TMTC2: variants seen among roughly 807,000 people sequenced by gnomAD.
TMTC2 encodes the protein protein O-mannosyl-transferase TMTC2.
TMTC2 carries 43 observed loss-of-function variants against 82.4 expected under a neutral mutation model. That is an observed-to-expected ratio of 0.52 (90% CI 0.41 to 0.67). TMTC2 has a LOEUF of 0.67. Ranked by LOEUF, TMTC2 falls within the 30% of genes least tolerant of loss-of-function variation. TMTC2 has a pLI of 0.00. For missense variants in TMTC2, 919 were observed against 1,012.4 expected, an observed-to-expected ratio of 0.91 and a Z score of 1.25; for synonymous variants, 408 against 381.9, an observed-to-expected ratio of 1.07 and a Z score of -0.80.
intron 1 of TMTC2, among the ~76,000 whole-genome samples, chr12:82,695,947 GA>G (rs1182180976): frequency 2.0e-5 from 3 of 152,194 alleles, no homozygotes; most frequent in Non-Finnish European, 4.4e-5. Context: ...TCAGCTTTAA[GA>G]AACTAGGCCT....
chr12:82,722,122 C>G (rs2136927715), intron 1 of TMTC2, among the ~76,000 whole-genome samples: 1 of 152,240 alleles, frequency 6.6e-6, no homozygotes, highest in East Asian at 1.9e-4. Flanking sequence ...TATAAAGACA[C>G]TCCTAATGAA....
At chr12:82,995,997 A>G (rs1321681460) in intron 8 of TMTC2, among the ~76,000 whole-genome samples, 1 of 152,204 alleles carries the variant, frequency 6.6e-6, no homozygotes, top group Non-Finnish European at 1.5e-5. Context: ...GTGGTATCTC[A>G]TGTACATAAA....
intron 11 of TMTC2, among the ~76,000 whole-genome samples, chr12:83,113,919 G>T (rs779493159): frequency 6.6e-6 from 1 of 152,266 alleles, no homozygotes; most frequent in Non-Finnish European, 1.5e-5. Flanking sequence ...GTGCATGAAG[G>T]CTGTGGTGAA....
chr12:82,751,958 G>A (rs1876030529), intron 1 of TMTC2, among the ~76,000 whole-genome samples: 1 of 151,974 alleles, frequency 6.6e-6, no homozygotes, highest in Admixed American at 6.5e-5. Context: ...TTGTGAACAT[G>A]TACTTTATTC....
At chr12:83,054,455 GA>G (rs948539595) in intron 10 of TMTC2, among the ~76,000 whole-genome samples, 9 of 151,864 alleles carry the variant, frequency 5.9e-5, no homozygotes, top group African/African-American at 1.7e-4. Context: ...CTAAAAACAT[GA>G]AAATGGTGAC....
chr12:82,803,139 C>G (rs557146055), intron 1 of TMTC2, among the ~76,000 whole-genome samples: 22 of 152,250 alleles, frequency 1.4e-4, no homozygotes, highest in African/African-American at 5.3e-4. Flanking sequence ...TAAATTTTGG[C>G]TATGTCATCC....
chr12:83,087,213 A>T (rs545747561), intron 11 of TMTC2, among the ~76,000 whole-genome samples: 1 of 152,190 alleles, frequency 6.6e-6, no homozygotes, highest in African/African-American at 2.4e-5. Flanking sequence ...GCAACTCCTC[A>T]TCCATTCAAG....
chr12:83,124,585 C>A (rs1885050035), intron 11 of TMTC2, among the ~76,000 whole-genome samples: 1 of 143,442 alleles, frequency 7.0e-6, no homozygotes, highest in African/African-American at 2.6e-5. Flanking sequence ...TTTTAATGAG[C>A]AGAAGTTTGT....
intron 11 of TMTC2, among the ~76,000 whole-genome samples, chr12:83,112,836 G>A (rs1884639106): frequency 6.6e-6 from 1 of 152,070 alleles, no homozygotes; most frequent in Non-Finnish European, 1.5e-5. Flanking sequence ...TTGTTTCATT[G>A]CCAATACAAA....
chr12:83,061,822 G>A lies in TMTC2; in HGVS notation c.2322G>A (p.Leu774=). ...AEKYYDLAAR[L]RPNYPAALMN... ...AGTATTATGATCTGGCAGCCAGGCT[G>A]AGGCCTAATGTAAGTACTTCCCTAA... The change falls in exon 11 of 12, where the codon CTG becomes CTA. Residue 774 remains leucine (L), a synonymous_variant. Transcript: ENST00000321196. The A allele has an allele frequency of 1.3e-6, 2 of 1,594,986 alleles. No homozygotes were observed. Among genetic ancestry groups the A allele is most frequent in the South Asian group, 1.2e-5 (1 of 85,894 alleles).
At chr12:82,878,510 A>G (rs7300604) in intron 2 of TMTC2, among the ~76,000 whole-genome samples, 22,116 of 152,096 alleles carry the variant, frequency 0.15, 4,920 homozygotes, top group African/African-American at 0.48. Flanking sequence ...TGTGACAATA[A>G]TGGGTGGATG....
At chr12:83,010,840 T>G (rs1880424136) in intron 8 of TMTC2, among the ~76,000 whole-genome samples, 1 of 152,188 alleles carries the variant, frequency 6.6e-6, no homozygotes, top group Admixed American at 6.5e-5. Flanking sequence ...TATTTATTTA[T>G]TTATTTATTT....
At chr12:82,725,019 T>C (rs1209713051) in intron 1 of TMTC2, among the ~76,000 whole-genome samples, 2 of 151,822 alleles carry the variant, frequency 1.3e-5, no homozygotes, top group Admixed American at 6.5e-5. Context: ...GCTTGTCCTA[T>C]TAATTATCCA....
At chr12:82,722,918 T>G (rs1447458784) in intron 1 of TMTC2, among the ~76,000 whole-genome samples, 1 of 152,208 alleles carries the variant, frequency 6.6e-6, no homozygotes, top group Non-Finnish European at 1.5e-5. Context: ...AAATCCATCT[T>G]AAGAAACAAA....
At position 82,715,286 on chromosome 12, in the gene TMTC2, A is replaced by C. The variant is rs982107712; in HGVS notation, c.83+27617A>C. Among the ~76,000 whole-genome samples, 10 of 151,346 alleles carry C rather than the reference A, an allele frequency of 6.6e-5. No individual in the cohort carries two copies. In the East Asian group the frequency reaches 1.4e-3, roughly 21 times the overall value. ...CGAGACTCCATTTCAAAAAAAAAAA[A>C]CAAAAAAGAAAAGGCATACAAATCT... On this transcript the variant is annotated intron_variant, in intron 1 of 11. Coordinates refer to ENST00000321196, the MANE Select transcript of TMTC2 (RefSeq NM_152588.3).
chr12:83,081,141 A>G (rs1883452149), intron 11 of TMTC2, among the ~76,000 whole-genome samples: 1 of 152,224 alleles, frequency 6.6e-6, no homozygotes, highest in South Asian at 2.1e-4. Context: ...TGCATCTTCA[A>G]CAGCTTATGC....
At chr12:82,993,414 T>G (rs925746928) in intron 8 of TMTC2, among the ~76,000 whole-genome samples, 1 of 152,086 alleles carries the variant, frequency 6.6e-6, no homozygotes, top group Non-Finnish European at 1.5e-5. Flanking sequence ...TTTTGGAGAT[T>G]TGCAACAATT....
chr12:82,852,132 C>T (rs1157330514), intron 1 of TMTC2, among the ~76,000 whole-genome samples: 7 of 148,208 alleles, frequency 4.7e-5, no homozygotes, highest in African/African-American at 1.5e-4. Flanking sequence ...GATGGAGTCT[C>T]GCTCTGTCGC....
In TMTC2 at chr12:82,903,516, A is replaced by G. The variant is rs899142450; in HGVS notation, c.1483+6870A>G. ...AAGCGCCGCCTCCCAGGTTCACGCC[A>G]TTCTCCTGCCTCAGCCTCCCGAGTA... On this transcript the variant is annotated intron_variant, in intron 3 of 11. Coordinates refer to ENST00000321196, the MANE Select transcript of TMTC2 (RefSeq NM_152588.3). Among the ~76,000 whole-genome samples the G allele has an allele frequency of 8.3e-4, 127 of 152,240 alleles. 1 individual carries two copies. Among genetic ancestry groups the G allele is most frequent in the African/African-American group, 3.0e-3 (125 of 41,544 alleles).
Sources: allele counts gnomAD v4.1 joint callset (sites outside exome capture counted in the v4.1 genomes callset), GRCh38; gene constraint gnomAD v4.1.1; transcripts MANE v1.5; gene names NCBI Gene and HGNC (gene_info 2026-07-23, HGNC 2026-07-21).